The following HDGFL2 variants were observed in gnomAD, a reference collection of about 807,000 sequenced individuals.
The protein encoded by HDGFL2 is HDGF like 2.
A neutral mutation model predicts 77.1 loss-of-function variants in HDGFL2; 36 were observed. The observed-to-expected ratio is 0.47, with a 90% CI of 0.36 to 0.62. HDGFL2 has a LOEUF of 0.62. HDGFL2 is among the 20% of genes least tolerant of loss of function. The pLI is 0.00. For missense variants in HDGFL2, 976 were observed against 973.4 expected, an observed-to-expected ratio of 1.00 and a Z score of -0.04; for synonymous variants, 463 against 413.1, an observed-to-expected ratio of 1.12 and a Z score of -1.46.
chr19:4,490,577 G>A (rs987468733), intron 4 of HDGFL2, among the ~76,000 whole-genome samples: 1 of 152,176 alleles, frequency 6.6e-6, no homozygotes, highest in African/African-American at 2.4e-5. Flanking sequence ...TCTCTGTCCT[G>A]CCTTTTGACC....
In HDGFL2 at chr19:4,478,241, C is replaced by T. The variant is rs368278382; in HGVS notation, c.288+2658C>T. Among the ~76,000 whole-genome samples the T allele has an allele frequency of 3.4e-5, 5 of 147,898 alleles. No individual in the cohort carries two copies. The Admixed American group carries it at 3.4e-4, about 10-fold the overall frequency. Reference sequence around the variant, plus strand: ...TTGTTTTGATGGAGTCTCGCTCTGTCGCCCAGGCTGGAGTGCAGTGGTGTG... The same window carrying T: ...TTGTTTTGATGGAGTCTCGCTCTGTTGCCCAGGCTGGAGTGCAGTGGTGTG... On this transcript the variant is annotated intron_variant, in intron 3 of 15. Coordinates refer to ENST00000616600, the MANE Select transcript of HDGFL2 (RefSeq NM_001001520.3).
chr19:4,498,939 C>T, intron 13 of HDGFL2, 24 bp downstream of exon 13: 3 of 1,531,094 alleles, frequency 2.0e-6, no homozygotes, highest in Non-Finnish European at 2.7e-6. Context: ...ATCAGAGGCG[C>T]AGGGTGCAGT....
At chr19:4,478,698 T>C (rs1329376303) in intron 3 of HDGFL2, among the ~76,000 whole-genome samples, 2 of 151,452 alleles carry the variant, frequency 1.3e-5, no homozygotes, top group East Asian at 3.9e-4. Flanking sequence ...GTTTTTTTTT[T>C]TCAGACGGTG....
intron 2 of HDGFL2, 26 bp downstream of exon 2, chr19:4,475,377 T>C (rs879221700): frequency 6.2e-7 from 1 of 1,613,938 alleles, no homozygotes; most frequent in Non-Finnish European, 8.5e-7. Flanking sequence ...TGGGGCTTGG[T>C]TTTCTCCTCT....
chr19:4,475,600 G>A lies in HDGFL2; in HGVS notation c.288+17G>A, dbSNP rs375538737. ...GCCCCTCCGGTGAGTACCCGGGGTG[G>A]AGAGCCAGTGTGAAGCGCGCTACTG... On this transcript the variant is annotated intron_variant, in intron 3 of 15. Coordinates refer to ENST00000616600, the MANE Select transcript of HDGFL2 (RefSeq NM_001001520.3). 6.4e-7 allele frequency: 1 copy of A among 1,560,332 alleles called. No homozygotes were observed. Among genetic ancestry groups the A allele is most frequent in the Non-Finnish European group, 8.6e-7 (1 of 1,159,966 alleles).
rs1022919738 is a variant in HDGFL2, at chr19:4,498,234, G to C, written c.1403-72G>C. 2.9e-6 allele frequency: 4 copies of C among 1,403,252 alleles called. No individual in the cohort carries two copies. The African/African-American group carries it at 5.7e-5, about 20-fold the overall frequency. The allele number at this position is 1,403,252 out of a possible 1,614,324, so 86.9% of individuals were successfully genotyped here. On this transcript the variant is annotated intron_variant, in intron 11 of 15. Coordinates refer to ENST00000616600, the MANE Select transcript of HDGFL2 (RefSeq NM_001001520.3). ...TGACAAATCCTCCAGAGGCTCTCAG[G>C]CTCCTGCCCTTGAACAGCTGGCCCC... is the stretch of plus-strand genomic sequence containing the variant.
intron 4 of HDGFL2, among the ~76,000 whole-genome samples, chr19:4,490,437 G>A (rs1056181327): frequency 9.2e-5 from 14 of 152,152 alleles, no homozygotes; most frequent in African/African-American, 2.9e-4. Flanking sequence ...GAGGGAACAC[G>A]GTGTGTTGAT....
At chr19:4,492,137 A>G (rs1975531417) in intron 6 of HDGFL2, among the ~76,000 whole-genome samples, 1 of 152,196 alleles carries the variant, frequency 6.6e-6, no homozygotes, top group South Asian at 2.1e-4. Flanking sequence ...AGAGGGACAC[A>G]GAAGAGAGGA....
chr19:4,501,180 G>C lies in HDGFL2; in HGVS notation c.1790-11G>C, dbSNP rs761208467. 6.2e-7 allele frequency: 1 copy of C among 1,612,926 alleles called. No homozygotes were observed. The highest frequency in any genetic ancestry group is 8.5e-7 in the Non-Finnish European group (1 of 1,179,818). On this transcript the variant is annotated splice_polypyrimidine_tract_variant and intron_variant, in intron 14 of 15. Transcript: ENST00000616600. ...CCCAGCAGTGTCCTGTGACCCCTCT[G>C]TCCCACCCAGATCTCTCAGCCCCAG...
chr19:4,485,343 G>A (rs1177745594), intron 3 of HDGFL2, among the ~76,000 whole-genome samples: 7 of 152,194 alleles, frequency 4.6e-5, no homozygotes, highest in East Asian at 3.9e-4. Flanking sequence ...TCAGAGCCTC[G>A]TTTCTTTTCA....
chr19:4,475,183 C>A, intron 1 of HDGFL2, 92 bp from the exon 2 acceptor site: 1 of 1,071,310 alleles, frequency 9.3e-7, no homozygotes, highest in Non-Finnish European at 1.4e-6. Flanking sequence ...CCCCTCCTCC[C>A]AGCGTGATTT....
intron 4 of HDGFL2, among the ~76,000 whole-genome samples, chr19:4,491,274 C>T (rs1975503371): frequency 3.1e-5 from 4 of 127,926 alleles, no homozygotes; most frequent in Non-Finnish European, 3.3e-5. Context: ...CCCCCACCCC[C>T]CCACCCCCCC....
rs1330416219 is a variant in HDGFL2 at position 4,502,116 on chromosome 19, T to C, written c.*106T>C. ...GAACTGTGGGGAACGCTGTGCTGTT[T>C]GTATTTGTTCCCTTGGGTTTTTTTT... On this transcript the variant is annotated 3_prime_UTR_variant, in exon 16 of 16. Transcript: ENST00000616600. 1 of 832,892 alleles carries C rather than the reference T, an allele frequency of 1.2e-6. No individual in the cohort carries two copies. Among genetic ancestry groups the C allele is most frequent in the East Asian group, 2.7e-5 (1 of 37,706 alleles). The allele number at this position is 832,892 out of a possible 1,614,324, so 51.6% of individuals were successfully genotyped here. A position where few individuals can be genotyped will look rare whatever the true frequency, so the allele number is the denominator to read the frequency against.
At chr19:4,474,136 A>G (rs1975011282) in intron 1 of HDGFL2, among the ~76,000 whole-genome samples, 1 of 151,922 alleles carries the variant, frequency 6.6e-6, no homozygotes, top group African/African-American at 2.4e-5. Context: ...TGAGTCTCCC[A>G]GGGCTGAGGT....
chr19:4,496,427 C>T (rs778389570), intron 10 of HDGFL2, 22 bp downstream of exon 10: 5 of 1,579,730 alleles, frequency 3.2e-6, no homozygotes, highest in African/African-American at 1.3e-5. Context: ...TCTGCCCCTC[C>T]ACACCCTGGG....
At chr19:4,498,427 G>A in intron 12 of HDGFL2, 51 bp downstream of exon 12, 2 of 1,430,790 alleles carry the variant, frequency 1.4e-6, no homozygotes, top group Non-Finnish European at 2.0e-6. Flanking sequence ...CCACCTCCCT[G>A]CCAGGCTCCC....
intron 9 of HDGFL2, 76 bp downstream of exon 9, chr19:4,494,551 AT>A: frequency 8.9e-7 from 1 of 1,125,658 alleles, no homozygotes; most frequent in Middle Eastern, 2.1e-4. Flanking sequence ...AGGAGGCAGT[AT>A]CCCAGGTTCC....
chr19:4,474,964 G>A, intron 1 of HDGFL2: 2 of 313,528 alleles, frequency 6.4e-6, no homozygotes, highest in South Asian at 3.9e-5. Context: ...GGTCCTGGGA[G>A]TCCATAGACG....
chr19:4,491,462 G>A, intron 4 of HDGFL2, 104 bp from the exon 5 acceptor site: 1 of 915,748 alleles, frequency 1.1e-6, no homozygotes, highest in Non-Finnish European at 1.7e-6. Flanking sequence ...CCGCCAGAGA[G>A]GTTCCAGAGC....
Sources: gnomAD v4.1 joint callset for allele counts (sites outside exome capture counted in the v4.1 genomes callset) on GRCh38, gnomAD v4.1.1 for gene constraint, MANE v1.5 for transcripts, NCBI Gene and HGNC (gene_info 2026-07-23, HGNC 2026-07-21) for gene names.